The following POLD3 variants were observed in gnomAD, a reference collection of about 807,000 sequenced individuals.
The protein encoded by POLD3 is DNA polymerase delta 3, accessory subunit.
POLD3 carries 19 observed loss-of-function variants against 58.2 expected under a neutral mutation model. The observed-to-expected ratio is 0.33, with a 90% CI of 0.23 to 0.48. The LOEUF is 0.48. POLD3 is among the 20% of genes least tolerant of loss of function. The probability of loss-of-function intolerance (pLI) is 0.99; values close to 1 mark genes in which losing one functional copy is unlikely to be tolerated. For missense variants in POLD3, 504 were observed against 545.5 expected, an observed-to-expected ratio of 0.92 and a Z score of 0.76; for synonymous variants, 172 against 193.5, an observed-to-expected ratio of 0.89 and a Z score of 0.92.
intron 3 of POLD3, among the ~76,000 whole-genome samples, chr11:74,610,234 C>T (rs184312182): frequency 9.8e-4 from 144 of 147,430 alleles, no homozygotes; most frequent in African/African-American, 3.5e-3. Context: ...TTTTTTGAGA[C>T]GAAGTCTTAC....
At chr11:74,597,043 G>A (rs544674737) in intron 2 of POLD3, among the ~76,000 whole-genome samples, 1 of 152,280 alleles carries the variant, frequency 6.6e-6, no homozygotes, top group Non-Finnish European at 1.5e-5. Flanking sequence ...GTTGTAAATA[G>A]TGCTGCAATA....
At chr11:74,621,466 C>T (rs2032256325) in intron 7 of POLD3, among the ~76,000 whole-genome samples, 1 of 151,826 alleles carries the variant, frequency 6.6e-6, no homozygotes, top group Admixed American at 6.6e-5. Flanking sequence ...AAACTGGTCC[C>T]TGGTGCCAAA....
intron 7 of POLD3, among the ~76,000 whole-genome samples, chr11:74,624,187 T>G (rs1056817849): frequency 2.0e-5 from 3 of 152,228 alleles, no homozygotes; most frequent in African/African-American, 7.2e-5. Flanking sequence ...GTGAACTGTA[T>G]TTTTTGGATT....
intron 8 of POLD3, chr11:74,628,721 T>G (rs2032502906): frequency 6.6e-6 from 1 of 152,286 alleles, no homozygotes; most frequent in African/African-American, 2.4e-5. Context: ...CTACTTAGCT[T>G]TTAAGTTTTC....
rs187228123 is a variant in POLD3 at position 74,623,191 on chromosome 11, T to C, written c.734-2217T>C. Among the ~76,000 whole-genome samples, 1,401 of 152,232 alleles carry C rather than the reference T, an allele frequency of 9.2e-3. 20 individuals carry two copies. The highest frequency in any genetic ancestry group is 0.032 in the African/African-American group (1,331 of 41,544). On this transcript the variant is annotated intron_variant, in intron 7 of 11. Coordinates refer to ENST00000263681, the MANE Select transcript of POLD3 (RefSeq NM_006591.3). ...GTTCACGCCTGTAATCCCAGCACTT[T>C]GGGAGGCCGAGGCGGGCGGATCACG... is the stretch of plus-strand genomic sequence containing the variant.
At chr11:74,660,826 A>G (rs182010867) in intron 4 of POLD3, among the ~76,000 whole-genome samples, 21 of 152,232 alleles carry the variant, frequency 1.4e-4, no homozygotes, top group African/African-American at 4.8e-4. Flanking sequence ...AACTGAGTCA[A>G]TGAAACCTTT....
intron 2 of POLD3, among the ~76,000 whole-genome samples, chr11:74,597,680 C>T (rs1010321475): frequency 2.6e-5 from 4 of 152,158 alleles, no homozygotes; most frequent in East Asian, 1.9e-4. Flanking sequence ...AGGCTGGTCT[C>T]GAACTCCCAG....
intron 5 of POLD3, among the ~76,000 whole-genome samples, chr11:74,614,291 C>T (rs184828504): frequency 2.7e-4 from 41 of 152,278 alleles, no homozygotes; most frequent in South Asian, 1.2e-3. Context: ...AGAGAATAAT[C>T]TGGAGGCAAG....
At chr11:74,611,939 C>G (rs1440739609) in intron 4 of POLD3, among the ~76,000 whole-genome samples, 1 of 152,186 alleles carries the variant, frequency 6.6e-6, no homozygotes, top group Non-Finnish European at 1.5e-5. Flanking sequence ...CTAACTGTTT[C>G]AAGACTATCA....
At chr11:74,607,274 A>ATTTT (rs1339408643) in intron 3 of POLD3, among the ~76,000 whole-genome samples, 26 of 146,430 alleles carry the variant, frequency 1.8e-4, no homozygotes, top group Admixed American at 4.1e-4. Context: ...TTATTTATTT[A>ATTTT]TTTTTTGAGA....
chr11:74,626,291 A>T (rs917928791), intron 8 of POLD3, among the ~76,000 whole-genome samples: 1 of 152,190 alleles, frequency 6.6e-6, no homozygotes, highest in African/African-American at 2.4e-5. Flanking sequence ...AATGTCCACA[A>T]CCATGGGTAC....
chr11:74,649,721 T>G (rs571403567), intron 4 of POLD3, among the ~76,000 whole-genome samples: 1 of 152,278 alleles, frequency 6.6e-6, no homozygotes, highest in East Asian at 1.9e-4. Flanking sequence ...AGACAGTTGC[T>G]TTTTGGCCAC....
At chr11:74,611,964 TTGTTTAAAAACCCAATTCAA>T (rs1181845608) in intron 4 of POLD3, among the ~76,000 whole-genome samples, 1 of 152,236 alleles carries the variant, frequency 6.6e-6, no homozygotes, top group Non-Finnish European at 1.5e-5. Flanking sequence ...TACCGTTGGA[TTGTTTAAAAACCCAATTCAA>T]AGGAATTTAA....
intron 9 of POLD3, 78 bp from the exon 10 acceptor site, chr11:74,634,505 T>G (rs3824999): frequency 0.46 from 365,874 of 804,116 alleles, 87,844 homozygotes; most frequent in Non-Finnish European, 0.51. Flanking sequence ...GACATGTCAA[T>G]TTAGAGAACC....
Position 74,643,010 on chromosome 11 carries a change from G to A in POLD3, c.*2244G>A. On this transcript the variant is annotated 3_prime_UTR_variant, in exon 12 of 12. Transcript: ENST00000263681. ...TTGCTAGCTGTATGACTGTGGGCAA[G>A]TTTCACAGCCTCAAGTTCTTTATCA... is the stretch of plus-strand genomic sequence containing the variant. 1 of 799,386 alleles carries A rather than the reference G, an allele frequency of 1.3e-6. No individual in the cohort carries two copies. Among genetic ancestry groups the A allele is most frequent in the Non-Finnish European group, 1.5e-6 (1 of 660,216 alleles). The allele number at this position is 799,386 out of a possible 1,614,324, so 49.5% of individuals were successfully genotyped here. A position where few individuals can be genotyped will look rare whatever the true frequency, so the allele number is the denominator to read the frequency against.
At chr11:74,621,688 G>A (rs376175294) in intron 7 of POLD3, among the ~76,000 whole-genome samples, 2 of 152,198 alleles carry the variant, frequency 1.3e-5, no homozygotes, top group East Asian at 3.9e-4. Flanking sequence ...CTGCCCTCAA[G>A]TCCTTATATT....
intron 7 of POLD3, 30 bp from the exon 8 acceptor site, chr11:74,625,378 C>A: frequency 1.3e-6 from 2 of 1,544,220 alleles, no homozygotes; most frequent in South Asian, 2.3e-5. Flanking sequence ...ATGATGGGGT[C>A]ATATGTCGTC....
chr11:74,602,621 T>C (rs2031542504), intron 2 of POLD3, among the ~76,000 whole-genome samples: 1 of 152,138 alleles, frequency 6.6e-6, no homozygotes, highest in African/African-American at 2.4e-5. Flanking sequence ...CTAACTGGTC[T>C]TGCTTCCTCC....
chr11:74,642,937 T>G lies in POLD3; in HGVS notation c.*2171T>G. On this transcript the variant is annotated 3_prime_UTR_variant, in exon 12 of 12. Transcript: ENST00000263681. ...AGTTTCAGCCAACCTCATTTTTTAG[T>G]TCATCTAGAAGAAAATCTAGCACAT... The G allele has an allele frequency of 1.0e-6, 1 of 985,328 alleles. No individual in the cohort carries two copies. The highest frequency in any genetic ancestry group is 5.2e-4 in the Middle Eastern group (1 of 1,914). The allele number at this position is 985,328 out of a possible 1,614,324, so 61.0% of individuals were successfully genotyped here.
Sources: gnomAD v4.1 joint callset for allele counts (sites outside exome capture counted in the v4.1 genomes callset) on GRCh38, gnomAD v4.1.1 for gene constraint, MANE v1.5 for transcripts, NCBI Gene and HGNC (gene_info 2026-07-23, HGNC 2026-07-21) for gene names.